PDE4A: variants seen among roughly 807,000 people sequenced by gnomAD.
PDE4A encodes phosphodiesterase 4A, also known as 3',5'-cyclic-AMP phosphodiesterase 4A.
In PDE4A, 21 loss-of-function variants were observed where a neutral mutation model predicts 73.9. That is an observed-to-expected ratio of 0.28 (90% confidence interval 0.20 to 0.41). The LOEUF is 0.41. Among genes scored for constraint, PDE4A ranks in the 10% least tolerant of loss-of-function variants. The pLI, the probability that PDE4A is intolerant of heterozygous loss-of-function variation, is 1.00. For missense variants in PDE4A, 958 were observed against 1,211.4 expected, an observed-to-expected ratio of 0.79 and a Z score of 3.10; for synonymous variants, 463 against 505.4, an observed-to-expected ratio of 0.92 and a Z score of 1.13.
intron 2 of PDE4A, among the ~76,000 whole-genome samples, chr19:10,447,973 G>A (rs773341099): frequency 2.6e-5 from 4 of 152,050 alleles, no homozygotes; most frequent in East Asian, 3.9e-4. Context: ...TATTCACCTC[G>A]GGTCAGGCTT....
chr19:10,430,952 G>A (rs765569255), intron 1 of PDE4A: 2 of 1,511,978 alleles, frequency 1.3e-6, no homozygotes, highest in Non-Finnish European at 1.8e-6. Context: ...CCCTGGCCCC[G>A]CGCGCGCCCC....
rs183936414 is a variant in PDE4A, at chr19:10,459,676, G to C, written c.1282G>C (p.Ala428Pro). 6.2e-7 allele frequency: 1 copy of C among 1,614,168 alleles called. No individual in the cohort carries two copies. The highest frequency in any genetic ancestry group is 1.7e-5 in the Admixed American group (1 of 60,004). Residue 428 changes from alanine to proline, a missense_variant, in exon 10 of 15, where the codon GCT becomes CCT. Physicochemically the swap from Ala to Pro is conservative, Grantham distance 27. Around this residue, in one of 3 missense-constraint regions of PDE4A, gnomAD observed 570 missense variants for 827.7 expected, o/e 0.69. Transcript: ENST00000380702. ...GCTGACGCTGGAGGATCACTACCAC[G>C]CTGACGTGGCCTACCATAACAGCCT... ...YMLTLEDHYH[A>P]DVAYHNSLHA...
chr19:10,420,782 C>A lies in PDE4A; in HGVS notation c.18C>A (p.Val6=). The change falls in exon 1 of 15, where the codon GTC becomes GTA. Residue 6 remains valine, a synonymous_variant. Transcript: ENST00000380702. This position sits in a 1 kb window ranked among gnomAD's most constrained non-coding sequence, Gnocchi z 6.0. MEPPT[V]PSERSLSLSL... is the part of the protein sequence containing the mutation. ...CCGGCGCCATGGAACCCCCGACCGT[C>A]CCCTCGGAAAGGAGCCTGTCTCTGT... is the stretch of plus-strand genomic sequence containing the variant. The A allele has an allele frequency of 6.3e-7, 1 of 1,575,646 alleles. No homozygotes were observed. Among genetic ancestry groups the A allele is most frequent in the Non-Finnish European group, 8.5e-7 (1 of 1,170,552 alleles).
chr19:10,418,523 T>C (rs1568361270), upstream of PDE4A, among the ~76,000 whole-genome samples: 1 of 141,086 alleles, frequency 7.1e-6, no homozygotes, highest in Non-Finnish European at 1.5e-5. Flanking sequence ...ATCTACTCAA[T>C]TGGAGGGTTC....
chr19:10,435,593 A>AC (rs1555729595), intron 1 of PDE4A, among the ~76,000 whole-genome samples: 9 of 120,598 alleles, frequency 7.5e-5, no homozygotes, highest in Non-Finnish European at 1.2e-4. Flanking sequence ...CACACACACA[A>AC]ACAAACAAAC....
chr19:10,447,419 G>T (rs1166352465), intron 2 of PDE4A, among the ~76,000 whole-genome samples: 1 of 147,758 alleles, frequency 6.8e-6, no homozygotes, highest in Middle Eastern at 3.3e-3. Context: ...TAGAGACGGG[G>T]TTTCACCTTG....
Position 10,441,879 on chromosome 19 carries a change from G to A in PDE4A, c.321-4339G>A, listed in dbSNP as rs541524699. Among the ~76,000 whole-genome samples the A allele has an allele frequency of 5.3e-5, 8 of 150,770 alleles. No homozygotes were observed. In the East Asian group the frequency reaches 1.4e-3, roughly 26 times the overall value. On this transcript the variant is annotated intron_variant, in intron 1 of 14. Coordinates refer to ENST00000380702, the MANE Select transcript of PDE4A (RefSeq NM_001111307.2). ...TAATTTTTGAATTTTTAGTAGAGACGGGGTTTCACCATGTTGGCCAGGCTG... is the reference window on the plus strand; with the variant it reads ...TAATTTTTGAATTTTTAGTAGAGACAGGGTTTCACCATGTTGGCCAGGCTG...
At chr19:10,437,368 C>G (rs568291358) in intron 1 of PDE4A, among the ~76,000 whole-genome samples, 1 of 152,088 alleles carries the variant, frequency 6.6e-6, no homozygotes. Flanking sequence ...ATGATCTGCC[C>G]GCCTTGGCCT....
rs189920254 is a variant in PDE4A, at chr19:10,443,117, G to A, written c.321-3101G>A. Among the ~76,000 whole-genome samples, 36 of 152,124 alleles carry A rather than the reference G, an allele frequency of 2.4e-4. No homozygotes were observed. In the East Asian group the frequency reaches 7.0e-3, roughly 29 times the overall value. ...TCGCTAGAGTCCAGGAGGCTGCAGTGAGCTATGATGGTTCCACTGCACTCC... is the reference window on the plus strand; with the variant it reads ...TCGCTAGAGTCCAGGAGGCTGCAGTAAGCTATGATGGTTCCACTGCACTCC... On this transcript the variant is annotated intron_variant, in intron 1 of 14. Transcript: ENST00000380702.
intron 1 of PDE4A, among the ~76,000 whole-genome samples, chr19:10,441,118 T>TCAAACATCCCAGGCTCAAGTG (rs1244855385): frequency 1.3e-5 from 2 of 151,972 alleles, no homozygotes; most frequent in Non-Finnish European, 2.9e-5. Flanking sequence ...CACTACAGCC[T>TCAAACATCCCAGGCTCAAGTG]CAAACATCCC....
chr19:10,459,213 T>C lies in PDE4A; in HGVS notation c.1102-187T>C, dbSNP rs113086030. 523 of 960,638 alleles carry C rather than the reference T, an allele frequency of 5.4e-4. 2 individuals carry two copies. The African/African-American group carries it at 6.9e-3, about 13-fold the overall frequency. 59.5% of individuals were successfully genotyped at this position (960,638 alleles called of 1,614,324 possible). ...TCATAAGTACTCAAAAGACAGTGGC[T>C]GTGATTGCTTTCGCTATTTTGCAGC... On this transcript the variant is annotated intron_variant, in intron 8 of 14. Coordinates refer to ENST00000380702, the MANE Select transcript of PDE4A (RefSeq NM_001111307.2).
In PDE4A at chr19:10,459,748, C is replaced by G. The variant is rs201269444; in HGVS notation, c.1354C>G (p.Pro452Ala). The change falls in exon 10 of 15, where the codon CCT (proline) becomes GCT (alanine). Residue 452 changes from proline to alanine, a missense_variant. Around this residue, in one of 3 missense-constraint regions of PDE4A, gnomAD observed 570 missense variants for 827.7 expected, o/e 0.69. Coordinates refer to ENST00000380702, the MANE Select transcript of PDE4A (RefSeq NM_001111307.2). ...LQSTHVLLAT[P>A]ALDAVFTDLE... Reference sequence around the variant, plus strand: ...GTCCACCCACGTACTGCTGGCCACGCCTGCACTAGATGTGAGTGACTGCCC... The same window carrying G: ...GTCCACCCACGTACTGCTGGCCACGGCTGCACTAGATGTGAGTGACTGCCC... The G allele has an allele frequency of 3.7e-6, 6 of 1,610,470 alleles. No homozygotes were observed. In the East Asian group the frequency reaches 1.3e-4, roughly 36 times the overall value.
chr19:10,452,020 G>GGT (rs58194674), intron 6 of PDE4A, among the ~76,000 whole-genome samples: 26,080 of 139,888 alleles, frequency 0.19, 2,297 homozygotes, highest in East Asian at 0.24. Context: ...TTTCTGCAAT[G>GGT]GTGTGTGTGT....
At chr19:10,455,717 G>A (rs772923329) in intron 7 of PDE4A, among the ~76,000 whole-genome samples, 2 of 151,080 alleles carry the variant, frequency 1.3e-5, no homozygotes, top group South Asian at 2.1e-4. Context: ...CTGAGATCAC[G>A]CCACTGCTGC....
intron 14 of PDE4A, chr19:10,464,440 CG>C: frequency 2.2e-6 from 1 of 455,182 alleles, no homozygotes. Flanking sequence ...ATTTTGAGAC[CG>C]GGTCTTGCAC....
At chr19:10,422,356 T>C (rs1037524229) in intron 1 of PDE4A, among the ~76,000 whole-genome samples, 4 of 152,142 alleles carry the variant, frequency 2.6e-5, no homozygotes, top group East Asian at 1.9e-4. Flanking sequence ...TGCTCTGACA[T>C]GTGGTCTGTG....
In PDE4A at chr19:10,420,658, G is replaced by T; in HGVS notation, c.-107G>T. On this transcript the variant is annotated 5_prime_UTR_variant, in exon 1 of 15. Coordinates refer to ENST00000380702, the MANE Select transcript of PDE4A (RefSeq NM_001111307.2). This position sits in a 1 kb window ranked among gnomAD's most constrained non-coding sequence, Gnocchi z 6.0. ...CCCCGGGGCGCCATGGCCCTACCGC[G>T]GCCGGGCGCACCCGCGGGGCCCTGG... The T allele has an allele frequency of 1.5e-6, 2 of 1,363,436 alleles. No homozygotes were observed. Among genetic ancestry groups the T allele is most frequent in the Non-Finnish European group, 1.9e-6 (2 of 1,066,360 alleles). 84.5% of individuals were successfully genotyped at this position (1,363,436 alleles called of 1,614,324 possible).
At chr19:10,456,010 G>A (rs1271458516) in intron 7 of PDE4A, among the ~76,000 whole-genome samples, 1 of 147,142 alleles carries the variant, frequency 6.8e-6, no homozygotes, top group South Asian at 2.1e-4. Flanking sequence ...AATTCAATAG[G>A]ATCTCCAAAC....
At chr19:10,460,943 GTGC>G in intron 10 of PDE4A, 58 bp from the exon 11 acceptor site, 2 of 1,534,826 alleles carry the variant, frequency 1.3e-6, no homozygotes, top group Non-Finnish European at 1.8e-6. Context: ...AGACAAACAG[GTGC>G]TCACCACCAT....
Sources: gnomAD v4.1 joint callset for allele counts (sites outside exome capture counted in the v4.1 genomes callset) on GRCh38, gnomAD v4.1.1 for gene constraint, gnomAD v4.1.1 regional missense constraint, Gnocchi (gnomAD v3.1) non-coding constraint, MANE v1.5 for transcripts, NCBI Gene and HGNC (gene_info 2026-07-23, HGNC 2026-07-21) for gene names.